Variants in KCNIP4 observed in about 807,000 individuals in gnomAD.
KCNIP4 encodes potassium voltage-gated channel interacting protein 4, also known as Kv channel-interacting protein 4.
Under a neutral mutation model 34.0 loss-of-function variants are expected in KCNIP4, and 12 were observed. The ratio of observed to expected loss-of-function variants is 0.35; its 90% confidence interval spans 0.23 to 0.57. The LOEUF (loss-of-function observed/expected upper bound fraction) is 0.57. Ranked by LOEUF, KCNIP4 falls within the 20% of genes least tolerant of loss-of-function variation. The probability of loss-of-function intolerance (pLI) is 0.83; values close to 1 mark genes in which losing one functional copy is unlikely to be tolerated. For synonymous variants in KCNIP4, 124 were observed against 102.2 expected (o/e 1.21, Z -1.29); for missense variants, 238 against 311.7 (o/e 0.76, Z 1.78).
chr4:21,118,958 A>G (rs1749914653), intron 1 of KCNIP4, among the ~76,000 whole-genome samples: 1 of 152,206 alleles, frequency 6.6e-6, no homozygotes, highest in Admixed American at 6.5e-5. Context: ...AGTCACCATT[A>G]TGTTTGAAAT....
At chr4:21,268,573 G>C (rs560238830) in intron 1 of KCNIP4, among the ~76,000 whole-genome samples, 1 of 152,224 alleles carries the variant, frequency 6.6e-6, no homozygotes, top group South Asian at 2.1e-4. Flanking sequence ...GAGGGAGGCA[G>C]AGGAGGGGAG....
At chr4:21,486,487 G>A (rs1028383270) in intron 1 of KCNIP4, among the ~76,000 whole-genome samples, 1 of 152,064 alleles carries the variant, frequency 6.6e-6, no homozygotes, top group Non-Finnish European at 1.5e-5. Context: ...GGAAATGGAA[G>A]GATTCCTCTA....
chr4:20,761,029 C>T (rs1578555642), intron 3 of KCNIP4, among the ~76,000 whole-genome samples: 1 of 152,108 alleles, frequency 6.6e-6, no homozygotes, highest in East Asian at 1.9e-4. Context: ...AGCTGGTAGA[C>T]TTTAAGTAAA....
At chr4:21,648,764 T>C (rs896582367) in intron 1 of KCNIP4, among the ~76,000 whole-genome samples, 5 of 152,196 alleles carry the variant, frequency 3.3e-5, no homozygotes, top group African/African-American at 1.2e-4. Flanking sequence ...TAGGGTTGTT[T>C]AGAAAGGAAA....
chr4:20,731,664 A>T (rs1387673679), intron 8 of KCNIP4: 1 of 984,982 alleles, frequency 1.0e-6, no homozygotes, highest in Non-Finnish European at 1.2e-6. Flanking sequence ...TATGATAGAT[A>T]ATATATGAGT....
chr4:21,234,535 ACG>A, intron 1 of KCNIP4, among the ~76,000 whole-genome samples: 1 of 115,102 alleles, frequency 8.7e-6, no homozygotes, highest in Non-Finnish European at 1.7e-5. Context: ...ATTACATATA[ACG>A]TATATAATAT....
At chr4:21,821,700 T>G (rs556206902) in intron 1 of KCNIP4, among the ~76,000 whole-genome samples, 119 of 152,270 alleles carry the variant, frequency 7.8e-4, no homozygotes, top group African/African-American at 2.8e-3. Context: ...ACAGCCTCAT[T>G]ATTACCCGGT....
At chr4:21,499,872 A>G (rs1386681125) in intron 1 of KCNIP4, among the ~76,000 whole-genome samples, 6 of 152,160 alleles carry the variant, frequency 3.9e-5, no homozygotes, top group Admixed American at 6.6e-5. Context: ...AATATATCCA[A>G]CTGTTTATGC....
chr4:20,823,135 A>T (rs758693103), intron 3 of KCNIP4, among the ~76,000 whole-genome samples: 6 of 152,112 alleles, frequency 3.9e-5, no homozygotes, highest in Non-Finnish European at 7.4e-5. Flanking sequence ...TAAACAATAG[A>T]AATAAATTAT....
intron 1 of KCNIP4, among the ~76,000 whole-genome samples, chr4:20,938,333 C>T (rs1002897534): frequency 6.6e-6 from 1 of 151,834 alleles, no homozygotes; most frequent in Non-Finnish European, 1.5e-5. Context: ...GACTCAGAGA[C>T]CAGCTATATT....
At chr4:21,457,775 T>C (rs932526731) in intron 1 of KCNIP4, among the ~76,000 whole-genome samples, 5 of 152,074 alleles carry the variant, frequency 3.3e-5, no homozygotes, top group Non-Finnish European at 7.4e-5. Context: ...ATGTGATATA[T>C]AGGACTGCTG....
chr4:21,551,792 A>G (rs146492252), intron 1 of KCNIP4, among the ~76,000 whole-genome samples: 62 of 152,198 alleles, frequency 4.1e-4, no homozygotes, highest in African/African-American at 1.5e-3. Flanking sequence ...ACCGCACTAT[A>G]CTAAATGCCA....
chr4:20,735,099 AAC>A (rs1382657352), intron 5 of KCNIP4, among the ~76,000 whole-genome samples: 1 of 152,230 alleles, frequency 6.6e-6, no homozygotes, highest in Admixed American at 6.5e-5. Flanking sequence ...GTGCACACAT[AAC>A]ACACTTCAAT....
Position 21,456,880 on chromosome 4 carries a change from T to C in KCNIP4, c.61+491691A>G, listed in dbSNP as rs190380350. ...TTGCAGATTCCCAAAGATCTCAAGA[T>C]GTGTCAAGAACTCCAAGGGATCTTT... On this transcript the variant is annotated intron_variant, in intron 1 of 8. Transcript: ENST00000382152. Among the ~76,000 whole-genome samples, 7 of 152,186 alleles carry C rather than the reference T, an allele frequency of 4.6e-5. No individual in the cohort carries two copies. The South Asian group carries it at 1.2e-3, about 27-fold the overall frequency.
At chr4:21,546,051 G>T (rs1036875821) in intron 1 of KCNIP4, among the ~76,000 whole-genome samples, 1 of 151,938 alleles carries the variant, frequency 6.6e-6, no homozygotes, top group East Asian at 1.9e-4. Flanking sequence ...TTTCTTATGC[G>T]AGACCTAAGA....
intron 1 of KCNIP4, among the ~76,000 whole-genome samples, chr4:20,889,124 T>A (rs1308705541): frequency 6.6e-6 from 1 of 152,126 alleles, no homozygotes; most frequent in Non-Finnish European, 1.5e-5. Flanking sequence ...TAGAGATATC[T>A]GGGTTTTTTT....
chr4:21,003,780 T>C (rs1309554694), intron 1 of KCNIP4, among the ~76,000 whole-genome samples: 1 of 152,182 alleles, frequency 6.6e-6, no homozygotes, highest in East Asian at 1.9e-4. Flanking sequence ...AGAAGTGTGG[T>C]AGTGCAGATT....
At chr4:21,806,952 G>A (rs983707208) in intron 1 of KCNIP4, among the ~76,000 whole-genome samples, 4 of 151,832 alleles carry the variant, frequency 2.6e-5, no homozygotes, top group South Asian at 4.2e-4. Context: ...TATACTATAC[G>A]ATGAAACAAT....
At chr4:20,881,260 G>C (rs983329741) in intron 2 of KCNIP4, among the ~76,000 whole-genome samples, 1 of 152,104 alleles carries the variant, frequency 6.6e-6, no homozygotes, top group African/African-American at 2.4e-5. Context: ...GTATTATGTT[G>C]TTTGTGGTTC....
Sources: gnomAD v4.1 joint callset for allele counts (sites outside exome capture counted in the v4.1 genomes callset) on GRCh38, gnomAD v4.1.1 for gene constraint, MANE v1.5 for transcripts, NCBI Gene and HGNC (gene_info 2026-07-23, HGNC 2026-07-21) for gene names.